TMEM135: variants seen among roughly 807,000 people sequenced by gnomAD.
TMEM135 encodes the protein peroxisomal membrane protein 52.
In TMEM135, 30 loss-of-function variants were observed where a neutral mutation model predicts 60.3. The observed-to-expected ratio is 0.50, with a 90% CI of 0.37 to 0.68. The LOEUF (loss-of-function observed/expected upper bound fraction) is 0.68, where lower values mean the gene tolerates loss of function less well. Ranked by LOEUF, TMEM135 falls within the 30% of genes least tolerant of loss-of-function variation. The probability of loss-of-function intolerance (pLI) is 0.00; values close to 1 mark genes in which losing one functional copy is unlikely to be tolerated. For missense variants in TMEM135, 468 were observed against 548.8 expected (o/e 0.85, Z 1.47); for synonymous variants, 190 against 186.7 (o/e 1.02, Z -0.14).
At chr11:87,111,030 C>T (rs1857730639) in intron 4 of TMEM135, among the ~76,000 whole-genome samples, 1 of 152,110 alleles carries the variant, frequency 6.6e-6, no homozygotes, top group South Asian at 2.1e-4. Flanking sequence ...GTTCTGCATT[C>T]TTTCGCTAAC....
intron 1 of TMEM135, among the ~76,000 whole-genome samples, chr11:87,040,527 T>TCACC (rs1949741380): frequency 6.6e-6 from 1 of 152,142 alleles, no homozygotes; most frequent in Non-Finnish European, 1.5e-5. Context: ...CTGGGCGTGG[T>TCACC]GGCACATGCC....
At chr11:87,074,751 C>T (rs1298603664) in intron 3 of TMEM135, among the ~76,000 whole-genome samples, 2 of 152,138 alleles carry the variant, frequency 1.3e-5, no homozygotes, top group Admixed American at 1.3e-4. Flanking sequence ...TACTTCAGCA[C>T]GTATCTCTTA....
intron 4 of TMEM135, among the ~76,000 whole-genome samples, chr11:87,140,147 A>C (rs2135244146): frequency 6.6e-6 from 1 of 152,046 alleles, no homozygotes; most frequent in East Asian, 1.9e-4. Context: ...AGCTCATTGC[A>C]ACCTCTACCT....
At position 87,205,721 on chromosome 11, in the gene TMEM135, G is replaced by A. The variant is rs150398569; in HGVS notation, c.463-30917G>A. ...AGGCATATGAATAAGACAGTGTCTC[G>A]TAATATTTTTTCAAACCTAAGACTG... On this transcript the variant is annotated intron_variant, in intron 5 of 14. Coordinates refer to ENST00000305494, the MANE Select transcript of TMEM135 (RefSeq NM_022918.4). Among the ~76,000 whole-genome samples, 4 of 152,258 alleles carry A rather than the reference G, an allele frequency of 2.6e-5. 1 individual carries two copies. In the East Asian group the frequency reaches 7.7e-4, roughly 29 times the overall value.
At chr11:87,218,631 A>T (rs1940552226) in intron 5 of TMEM135, among the ~76,000 whole-genome samples, 4 of 152,154 alleles carry the variant, frequency 2.6e-5, no homozygotes. Flanking sequence ...TGTTGGAGCC[A>T]TTCATGATTC....
At chr11:87,040,506 T>C (rs975021251) in intron 1 of TMEM135, among the ~76,000 whole-genome samples, 2 of 151,826 alleles carry the variant, frequency 1.3e-5, no homozygotes, top group African/African-American at 2.4e-5. Flanking sequence ...CTACGAAAAA[T>C]ATAAAATTAG....
intron 6 of TMEM135, among the ~76,000 whole-genome samples, chr11:87,272,058 T>C (rs1320181482): frequency 3.5e-5 from 5 of 143,022 alleles, no homozygotes; most frequent in African/African-American, 1.1e-4. Context: ...TTTCTTTTTT[T>C]TTTTTTTTTT....
chr11:87,101,174 T>C (rs1275469216), intron 4 of TMEM135, among the ~76,000 whole-genome samples: 1 of 152,200 alleles, frequency 6.6e-6, no homozygotes, highest in East Asian at 1.9e-4. Flanking sequence ...TTAAATATTT[T>C]CTCTGGCCAA....
intron 5 of TMEM135, among the ~76,000 whole-genome samples, chr11:87,173,896 C>T (rs1939304114): frequency 6.6e-6 from 1 of 152,068 alleles, no homozygotes; most frequent in Non-Finnish European, 1.5e-5. Flanking sequence ...TGTCTAGTGC[C>T]AGTATCTCAG....
chr11:87,270,481 T>G (rs958237403), intron 6 of TMEM135, among the ~76,000 whole-genome samples: 1 of 152,206 alleles, frequency 6.6e-6, no homozygotes, highest in Admixed American at 6.5e-5. Context: ...ACTTTAAGAA[T>G]TTTAATTAGC....
intron 5 of TMEM135, among the ~76,000 whole-genome samples, chr11:87,169,435 G>T: frequency 6.6e-6 from 1 of 151,708 alleles, no homozygotes; most frequent in Non-Finnish European, 1.5e-5. Context: ...TGCAGTGGCT[G>T]GTACTGGTTT....
intron 3 of TMEM135, among the ~76,000 whole-genome samples, chr11:87,080,267 G>C (rs12273408): frequency 0.15 from 21,134 of 144,342 alleles, 1,572 homozygotes; most frequent in Non-Finnish European, 0.16. Flanking sequence ...GACATGTTTT[G>C]GGCCAGGTAA....
At chr11:87,319,280 A>G (rs1484658130) in intron 13 of TMEM135, 30 bp from the exon 14 acceptor site, 1 of 1,550,968 alleles carries the variant, frequency 6.4e-7, no homozygotes, top group South Asian at 1.1e-5. Context: ...ATTTATATTT[A>G]CTAAAAGAAT....
intron 5 of TMEM135, among the ~76,000 whole-genome samples, chr11:87,199,526 T>G (rs1359047498): frequency 1.3e-5 from 2 of 152,188 alleles, no homozygotes; most frequent in Non-Finnish European, 2.9e-5. Flanking sequence ...GTGGTAGTAT[T>G]TAAAAATTAC....
intron 5 of TMEM135, among the ~76,000 whole-genome samples, chr11:87,177,207 A>C (rs1030394431): frequency 1.3e-5 from 2 of 152,118 alleles, no homozygotes; most frequent in East Asian, 3.9e-4. Context: ...TTTCCACAAA[A>C]TGTGGACCTA....
At position 87,047,388 on chromosome 11, in the gene TMEM135, A is replaced by T. The variant is rs931179858; in HGVS notation, c.141+9202A>T. Among the ~76,000 whole-genome samples the T allele has an allele frequency of 3.7e-4, 56 of 151,750 alleles. 1 individual carries two copies. The highest frequency in any genetic ancestry group is 1.3e-3 in the African/African-American group (54 of 41,404). On this transcript the variant is annotated intron_variant, in intron 1 of 14. Transcript: ENST00000305494. ...GACGCAGAAGACGGGTGATTTCTGCATTTCCATCTGAGGTACCGGGTTCAT... is the reference window on the plus strand; with the variant it reads ...GACGCAGAAGACGGGTGATTTCTGCTTTTCCATCTGAGGTACCGGGTTCAT...
At chr11:87,095,435 G>A (rs995236488) in intron 4 of TMEM135, 2 of 207,726 alleles carry the variant, frequency 9.6e-6, no homozygotes, top group Admixed American at 8.9e-5. Flanking sequence ...TCTCTCTTGG[G>A]GTTAAGTGGG....
In TMEM135 at chr11:87,316,970, C is replaced by G. The variant is rs1267305670; in HGVS notation, c.1078-1167C>G. ...GCTCTGGTAATAGACAATCATTTTTCTGTGATTGAAGTTAATTTTATATTA... is the reference window on the plus strand; with the variant it reads ...GCTCTGGTAATAGACAATCATTTTTGTGTGATTGAAGTTAATTTTATATTA... On this transcript the variant is annotated intron_variant, in intron 12 of 14. Coordinates refer to ENST00000305494, the MANE Select transcript of TMEM135 (RefSeq NM_022918.4). 2.0e-5 allele frequency among the ~76,000 whole-genome samples: 3 copies of G among 150,498 alleles called. No individual in the cohort carries two copies. The South Asian group carries it at 6.3e-4, about 32-fold the overall frequency.
In TMEM135 at chr11:87,325,836, C is replaced by T. The variant is rs962184140; in HGVS notation, c.*4503C>T. The T allele has an allele frequency of 1.1e-5, 5 of 454,014 alleles. No homozygotes were observed. The highest frequency in any genetic ancestry group is 1.4e-3 in the Middle Eastern group (2 of 1,440). 28.1% of individuals were successfully genotyped at this position (454,014 alleles called of 1,614,324 possible). A position where few individuals can be genotyped will look rare whatever the true frequency, so the allele number is the denominator to read the frequency against. ...ATTAATTTCTTCTCTTCTTAAAACC[C>T]CGTAACATCACTTGACTCTGGAATT... On this transcript the variant is annotated 3_prime_UTR_variant, in exon 15 of 15. Transcript: ENST00000305494.
Sources: gnomAD v4.1 joint callset for allele counts (sites outside exome capture counted in the v4.1 genomes callset) on GRCh38, gnomAD v4.1.1 for gene constraint, MANE v1.5 for transcripts, NCBI Gene and HGNC (gene_info 2026-07-23, HGNC 2026-07-21) for gene names.